FAM13B: variants seen among roughly 807,000 people sequenced by gnomAD.
The protein encoded by FAM13B is protein FAM13B.
A neutral mutation model predicts 117.3 loss-of-function variants in FAM13B; 60 were observed. The ratio of observed to expected loss-of-function variants is 0.51; its 90% CI spans 0.42 to 0.63. The LOEUF is 0.63. Among genes scored for constraint, FAM13B ranks in the 30% least tolerant of loss-of-function variants. The pLI, the probability that FAM13B is intolerant of heterozygous loss-of-function variation, is 0.00. For synonymous variants in FAM13B, 332 were observed against 356.1 expected (o/e 0.93, Z 0.76); for missense variants, 972 against 1,091.9 (o/e 0.89, Z 1.55).
intron 19 of FAM13B, 29 bp downstream of exon 19, chr5:137,946,199 T>G: frequency 6.5e-7 from 1 of 1,544,368 alleles, no homozygotes; most frequent in Non-Finnish European, 8.8e-7. Flanking sequence ...AGACATAAAA[T>G]CAAATCTTTT....
intron 1 of FAM13B, among the ~76,000 whole-genome samples, chr5:138,030,656 A>G (rs1789643881): frequency 6.6e-6 from 1 of 151,906 alleles, no homozygotes. Context: ...TTATTAAGGT[A>G]TAATTTACAC....
At chr5:138,024,532 A>T (rs1367874005) in intron 1 of FAM13B, among the ~76,000 whole-genome samples, 2 of 151,838 alleles carry the variant, frequency 1.3e-5, no homozygotes, top group East Asian at 3.9e-4. Context: ...ATTTGTCATG[A>T]AAGTCCTAGA....
upstream of FAM13B, among the ~76,000 whole-genome samples, chr5:138,034,349 C>T (rs570367517): frequency 6.8e-4 from 104 of 152,282 alleles, no homozygotes; most frequent in African/African-American, 1.9e-3. Context: ...TCCCTGCCTT[C>T]GTGGAGTTTA....
At chr5:138,044,570 G>GAAAA (rs1791591624) in intron 1 of FAM13B, among the ~76,000 whole-genome samples, 1 of 148,522 alleles carries the variant, frequency 6.7e-6, no homozygotes, top group Non-Finnish European at 1.5e-5. Flanking sequence ...AAAAAAAAAC[G>GAAAA]GATAATATAA....
chr5:137,972,478 C>T (rs1772508436), intron 10 of FAM13B, among the ~76,000 whole-genome samples: 3 of 150,682 alleles, frequency 2.0e-5, no homozygotes, highest in African/African-American at 7.3e-5. Context: ...TAAGAGCTAT[C>T]TATGACAAAC....
intron 4 of FAM13B, among the ~76,000 whole-genome samples, chr5:138,013,031 C>T (rs1403802287): frequency 6.6e-6 from 1 of 150,734 alleles, no homozygotes; most frequent in Admixed American, 6.6e-5. Flanking sequence ...TCACGAAACC[C>T]CGTTCTACCA....
At chr5:137,988,672 A>G (rs543546767) in intron 7 of FAM13B, among the ~76,000 whole-genome samples, 4 of 152,226 alleles carry the variant, frequency 2.6e-5, no homozygotes, top group Non-Finnish European at 4.4e-5. Context: ...AAGCTCAAAG[A>G]TGTTAATTAA....
chr5:138,036,345 G>T (rs1380918643), upstream of FAM13B: 1 of 455,676 alleles, frequency 2.2e-6, no homozygotes, highest in South Asian at 1.6e-5. Flanking sequence ...CTGGTCCACA[G>T]GAAGCTCTCA....
chr5:138,035,045 C>G (rs960651481), upstream of FAM13B, among the ~76,000 whole-genome samples: 10 of 94,160 alleles, frequency 1.1e-4, no homozygotes, highest in African/African-American at 4.0e-4. Flanking sequence ...CAAGGTCTTG[C>G]TCTGTCACTC....
At chr5:137,945,073 T>C (rs1763077122) in intron 20 of FAM13B, among the ~76,000 whole-genome samples, 1 of 151,748 alleles carries the variant, frequency 6.6e-6, no homozygotes, top group Non-Finnish European at 1.5e-5. Context: ...GTAATTAAAC[T>C]GCACATATAC....
chr5:137,980,467 G>T (rs1417506791), intron 10 of FAM13B, among the ~76,000 whole-genome samples: 1 of 146,806 alleles, frequency 6.8e-6, no homozygotes, highest in African/African-American at 2.5e-5. Flanking sequence ...TTTTGAGACA[G>T]GGTCTCACTC....
chr5:137,959,149 G>A (rs1767404653), intron 13 of FAM13B, among the ~76,000 whole-genome samples: 1 of 152,112 alleles, frequency 6.6e-6, no homozygotes, highest in Admixed American at 6.5e-5. Flanking sequence ...ACCTAAGACA[G>A]AAATACAGGA....
intron 22 of FAM13B, 96 bp from the exon 23 acceptor site, chr5:137,942,141 G>A (rs1762035197): frequency 1.0e-6 from 1 of 960,744 alleles, no homozygotes; most frequent in Admixed American, 2.3e-5. Context: ...AGTGGCTGGG[G>A]AACTGTTAGG....
chr5:137,949,532 C>A (rs1343080748), intron 17 of FAM13B, among the ~76,000 whole-genome samples: 2 of 152,144 alleles, frequency 1.3e-5, no homozygotes, highest in East Asian at 3.9e-4. Flanking sequence ...ATAATCACAG[C>A]ACTTTGGGAT....
intron 22 of FAM13B, chr5:137,942,358 T>C (rs1762109835): frequency 3.4e-6 from 1 of 291,520 alleles, no homozygotes; most frequent in Non-Finnish European, 6.4e-6. Flanking sequence ...AACTGTAGGA[T>C]TTTATTTGTT....
intron 7 of FAM13B, among the ~76,000 whole-genome samples, chr5:138,003,595 A>T (rs1781798159): frequency 6.6e-6 from 1 of 152,202 alleles, no homozygotes; most frequent in South Asian, 2.1e-4. Context: ...TTTTGGTAAT[A>T]GCCCTGTTTT....
intron 10 of FAM13B, among the ~76,000 whole-genome samples, chr5:137,969,016 G>A (rs1448856904): frequency 3.3e-5 from 5 of 152,182 alleles, no homozygotes; most frequent in Admixed American, 2.0e-4. Context: ...ACTGCAAGGC[G>A]GCAGCGAGGC....
At chr5:138,018,915 T>C (rs1347972862) in intron 3 of FAM13B, 40 bp downstream of exon 3, 4 of 1,524,254 alleles carry the variant, frequency 2.6e-6, no homozygotes, top group African/African-American at 2.8e-5. Context: ...GTTGTGTTTA[T>C]TAAAACAAAA....
chr5:137,954,152 T>C lies in FAM13B; in HGVS notation c.1718+14A>G, dbSNP rs776043019. ...ATAGGAATTGCCTCTTGTAAGTACA[T>C]AAAAATCATATACCTAGTAAAAGAC... On this transcript the variant is annotated intron_variant, in intron 15 of 23. Coordinates refer to ENST00000689681, the MANE Select transcript of FAM13B (RefSeq NM_001385994.1). 14 of 1,598,100 alleles carry C rather than the reference T, an allele frequency of 8.8e-6. 1 individual carries two copies. In the South Asian group the frequency reaches 1.5e-4, roughly 18 times the overall value.
Sources: allele counts gnomAD v4.1 joint callset (sites outside exome capture counted in the v4.1 genomes callset), GRCh38; gene constraint gnomAD v4.1.1; transcripts MANE v1.5; gene names NCBI Gene and HGNC (gene_info 2026-07-23, HGNC 2026-07-21).